BORA: variants seen among roughly 807,000 people sequenced by gnomAD.
BORA encodes the protein protein aurora borealis.
In BORA, 26 loss-of-function variants were observed where a neutral mutation model predicts 55.8. The ratio of observed to expected loss-of-function variants is 0.47; its 90% CI spans 0.34 to 0.65. The LOEUF (loss-of-function observed/expected upper bound fraction) is 0.65, where lower values mean the gene tolerates loss of function less well. BORA is among the 30% of genes least tolerant of loss of function. The pLI, the probability that BORA is intolerant of heterozygous loss-of-function variation, is 0.01. For missense variants in BORA, 568 were observed against 671.5 expected, an observed-to-expected ratio of 0.85 and a Z score of 1.70; for synonymous variants, 201 against 216.9, an observed-to-expected ratio of 0.93 and a Z score of 0.64.
Position 72,756,175 on chromosome 13 carries a change from G to GAATAATTCATATGGACCCTTAGGA in BORA, c.*964_*965insTTCATATGGACCCTTAGGAAATAA. On this transcript the variant is annotated 3_prime_UTR_variant, in exon 12 of 12. Transcript: ENST00000390667. ...TTTAAAAACTGTCTCATTCAAAAGG[G>GAATAATTCATATGGACCCTTAGGA]AATAAAGACCTGTGTTATCAATGTG... is the stretch of plus-strand genomic sequence containing the variant. 1 of 375,438 alleles carries GAATAATTCATATGGACCCTTAGGA rather than the reference G, an allele frequency of 2.7e-6. No individual in the cohort carries two copies. The highest frequency in any genetic ancestry group is 4.7e-6 in the Non-Finnish European group (1 of 212,194). The allele number at this position is 375,438 out of a possible 1,614,324, so 23.3% of individuals were successfully genotyped here. A position where few individuals can be genotyped will look rare whatever the true frequency, so the allele number is the denominator to read the frequency against.
At chr13:72,741,392 A>T (rs1377257908) in intron 5 of BORA, among the ~76,000 whole-genome samples, 4 of 152,204 alleles carry the variant, frequency 2.6e-5, no homozygotes, top group African/African-American at 9.6e-5. Context: ...TCATAGACTA[A>T]TGACCTTTTA....
intron 10 of BORA, among the ~76,000 whole-genome samples, chr13:72,749,315 C>T (rs2033215806): frequency 6.6e-6 from 1 of 152,134 alleles, no homozygotes; most frequent in African/African-American, 2.4e-5. Context: ...CTACAGGGTT[C>T]TGAAATTTCA....
intron 8 of BORA, 82 bp downstream of exon 8, chr13:72,745,289 T>C (rs1181588647): frequency 8.4e-7 from 1 of 1,191,916 alleles, no homozygotes; most frequent in African/African-American, 1.5e-5. Flanking sequence ...TCTTAGGCTT[T>C]CAGCAGCCTG....
intron 4 of BORA, among the ~76,000 whole-genome samples, chr13:72,737,266 A>T (rs1299166743): frequency 6.6e-6 from 1 of 152,180 alleles, no homozygotes; most frequent in Non-Finnish European, 1.5e-5. Flanking sequence ...CCTGCTATCC[A>T]TAGTGTAAGT....
At chr13:72,733,009 G>T (rs1457128224) in intron 3 of BORA, among the ~76,000 whole-genome samples, 1 of 152,008 alleles carries the variant, frequency 6.6e-6, no homozygotes, top group South Asian at 2.1e-4. Flanking sequence ...TGTCTGCAAA[G>T]GTTTATAAAG....
At chr13:72,746,474 G>A (rs2033145186) in intron 9 of BORA, 27 bp from the exon 10 acceptor site, 4 of 1,571,234 alleles carry the variant, frequency 2.5e-6, no homozygotes, top group Non-Finnish European at 3.4e-6. Context: ...TTTATGATGT[G>A]ATTTTTTTTC....
intron 8 of BORA, 35 bp from the exon 9 acceptor site, chr13:72,745,909 C>T (rs374394711): frequency 1.3e-6 from 2 of 1,566,044 alleles, no homozygotes; most frequent in South Asian, 1.2e-5. Flanking sequence ...GGAAGAGAAC[C>T]ATATACATTT....
chr13:72,731,567 A>G (rs565582554), intron 3 of BORA, among the ~76,000 whole-genome samples, 180 bp downstream of exon 3: 5 of 152,350 alleles, frequency 3.3e-5, no homozygotes, highest in Admixed American at 1.3e-4. Flanking sequence ...TTTCTTGCCA[A>G]CAGTTCCAGA....
chr13:72,745,478 T>A (rs1451104293), intron 8 of BORA, among the ~76,000 whole-genome samples: 1 of 152,202 alleles, frequency 6.6e-6, no homozygotes, highest in Non-Finnish European at 1.5e-5. Context: ...TTGAGTATTA[T>A]GCTTCACAGA....
At chr13:72,737,596 G>T (rs2032954179) in intron 4 of BORA, among the ~76,000 whole-genome samples, 5 of 152,082 alleles carry the variant, frequency 3.3e-5, no homozygotes, top group Admixed American at 3.3e-4. Context: ...GCCAGCTTCA[G>T]TGCCGTCATT....
At chr13:72,752,064 A>G (rs957501674) in intron 10 of BORA, 3 of 152,204 alleles carry the variant, frequency 2.0e-5, no homozygotes, top group Non-Finnish European at 4.4e-5. Flanking sequence ...TATGTGGTAG[A>G]AAAATAAATT....
intron 3 of BORA, among the ~76,000 whole-genome samples, chr13:72,733,169 G>A (rs1425831799): frequency 1.3e-5 from 2 of 152,092 alleles, no homozygotes; most frequent in Admixed American, 6.5e-5. Flanking sequence ...AGAGCATCTC[G>A]TTTCATCCTT....
intron 1 of BORA, 166 bp downstream of exon 1, chr13:72,728,173 G>A: frequency 1.1e-6 from 1 of 946,370 alleles, no homozygotes; most frequent in Non-Finnish European, 1.7e-6. Context: ...TAGGGTTGGG[G>A]GCGACGCCTC....
chr13:72,750,951 C>T (rs1283958884), intron 10 of BORA, among the ~76,000 whole-genome samples: 1 of 151,996 alleles, frequency 6.6e-6, no homozygotes, highest in Non-Finnish European at 1.5e-5. Flanking sequence ...TTAGTTGAGG[C>T]GCGAGCATGG....
chr13:72,756,103 G>C lies in BORA; in HGVS notation c.*887G>C. The C allele has an allele frequency of 2.5e-6, 1 of 396,242 alleles. No individual in the cohort carries two copies. The highest frequency in any genetic ancestry group is 3.6e-5 in the East Asian group (1 of 27,974). The allele number at this position is 396,242 out of a possible 1,614,324, so 24.5% of individuals were successfully genotyped here. ...GGAGTAGATGGGTATATAACAGTTT[G>C]GAAATACTATCTTTGGAGAATGTAT... On this transcript the variant is annotated 3_prime_UTR_variant, in exon 12 of 12. Coordinates refer to ENST00000390667, the MANE Select transcript of BORA (RefSeq NM_024808.5).
chr13:72,750,725 C>A (rs1033141656), intron 10 of BORA, among the ~76,000 whole-genome samples: 1 of 152,072 alleles, frequency 6.6e-6, no homozygotes, highest in Non-Finnish European at 1.5e-5. Context: ...GTACCAGAGA[C>A]CATGCCAAGC....
chr13:72,732,591 C>T (rs893537107), intron 3 of BORA, among the ~76,000 whole-genome samples: 1 of 152,044 alleles, frequency 6.6e-6, no homozygotes, highest in Non-Finnish European at 1.5e-5. Context: ...ACAGGAGAAT[C>T]GCTTGAACCC....
intron 8 of BORA, 96 bp downstream of exon 8, chr13:72,745,303 C>A: frequency 9.7e-7 from 1 of 1,032,178 alleles, no homozygotes; most frequent in Non-Finnish European, 1.4e-6. Flanking sequence ...CAGCCTGAAG[C>A]CATGGTTGCT....
intron 10 of BORA, among the ~76,000 whole-genome samples, chr13:72,751,898 T>C (rs2033285859): frequency 1.3e-5 from 2 of 152,094 alleles, no homozygotes; most frequent in Admixed American, 6.6e-5. Flanking sequence ...AAAACATAAG[T>C]AGTAATGGAA....
Sources: allele counts gnomAD v4.1 joint callset (sites outside exome capture counted in the v4.1 genomes callset), GRCh38; gene constraint gnomAD v4.1.1; transcripts MANE v1.5; gene names NCBI Gene and HGNC (gene_info 2026-07-23, HGNC 2026-07-21).